Variants in DZIP1L observed in about 807,000 individuals in gnomAD.
DZIP1L encodes DAZ interacting zinc finger protein 1 like, also known as cilium assembly protein DZIP1L.
Under a neutral mutation model 88.7 loss-of-function variants are expected in DZIP1L, and 90 were observed. The observed-to-expected ratio is 1.02, with a 90% confidence interval of 0.86 to 1.21. DZIP1L has a LOEUF of 1.21. Among genes scored for constraint, DZIP1L ranks in the 50% most tolerant of loss-of-function variants. DZIP1L has a pLI of 0.00. For synonymous variants in DZIP1L, 363 were observed against 372.1 expected, an observed-to-expected ratio of 0.98 and a Z score of 0.28; for missense variants, 932 against 955.8, an observed-to-expected ratio of 0.98 and a Z score of 0.33.
chr3:138,091,634 GGGGA>G (rs568607588), intron 5 of DZIP1L, among the ~76,000 whole-genome samples: 29 of 112,726 alleles, frequency 2.6e-4, no homozygotes, highest in South Asian at 4.0e-4. Flanking sequence ...AGGAAGGTGG[GGGGA>G]GGGAGGGAGG....
intron 5 of DZIP1L, among the ~76,000 whole-genome samples, chr3:138,090,195 ATGTTC>A (rs1944143163): frequency 6.6e-6 from 1 of 152,070 alleles, no homozygotes; most frequent in African/African-American, 2.4e-5. Context: ...AAAAGATAGC[ATGTTC>A]CAGTTTAGGA....
rs111897568 is a variant in DZIP1L at position 138,097,007 on chromosome 3, T to G, written c.586+756A>C. Among the ~76,000 whole-genome samples, 318 of 151,968 alleles carry G rather than the reference T, an allele frequency of 2.1e-3. 1 individual carries two copies. Among genetic ancestry groups the G allele is most frequent in the African/African-American group, 7.4e-3 (306 of 41,460 alleles). ...CCAGACTGGCCAACACAGTGAGACCTCATCTCTATGAAAAATTTTTAAAAT... is the reference window on the plus strand; with the variant it reads ...CCAGACTGGCCAACACAGTGAGACCGCATCTCTATGAAAAATTTTTAAAAT... On this transcript the variant is annotated intron_variant, in intron 3 of 15. Transcript: ENST00000327532.
At chr3:138,078,815 A>C (rs1943523782) in intron 10 of DZIP1L, among the ~76,000 whole-genome samples, 1 of 152,170 alleles carries the variant, frequency 6.6e-6, no homozygotes, top group Non-Finnish European at 1.5e-5. Context: ...CGGAGCTTTA[A>C]ATGCTACTGG....
chr3:138,095,091 T>A, intron 3 of DZIP1L, 108 bp from the exon 4 acceptor site: 1 of 1,525,560 alleles, frequency 6.6e-7, no homozygotes, highest in Non-Finnish European at 8.9e-7. Context: ...CCAGCTTCGC[T>A]ACTTAGTACG....
intron 7 of DZIP1L, among the ~76,000 whole-genome samples, chr3:138,086,151 A>G (rs1436998986): frequency 6.6e-6 from 1 of 151,908 alleles, no homozygotes; most frequent in African/African-American, 2.4e-5. Context: ...AGATATACCT[A>G]ATGCTAAATG....
rs556846454 is a variant in DZIP1L, at chr3:138,110,543, C to T, written c.-82+4785G>A. On this transcript the variant is annotated intron_variant, in intron 1 of 15. Coordinates refer to ENST00000327532, the MANE Select transcript of DZIP1L (RefSeq NM_173543.3). ...TACGCTCACAGTCAAAGTTCCCTGC[C>T]CCTCCCCTGGGCTTCCAGAGCGCAC... 1.4e-4 allele frequency among the ~76,000 whole-genome samples: 21 copies of T among 152,210 alleles called. No individual in the cohort carries two copies. The South Asian group carries it at 4.1e-3, about 30-fold the overall frequency.
rs1576487237 is a variant in DZIP1L, at chr3:138,097,704, T to C, written c.586+59A>G. On this transcript the variant is annotated intron_variant, in intron 3 of 15. Coordinates refer to ENST00000327532, the MANE Select transcript of DZIP1L (RefSeq NM_173543.3). The stretch of plus-strand genomic sequence containing the variant: ...CTATAGGTGGTCACCACCCACTGAA[T>C]ACCAGCCCCAGCCCTTTCCACAGTC... 17 of 1,505,948 alleles carry C rather than the reference T, an allele frequency of 1.1e-5. No homozygotes were observed. In the East Asian group the frequency reaches 3.8e-4, roughly 34 times the overall value. The allele number at this position is 1,505,948 out of a possible 1,614,324, so 93.3% of individuals were successfully genotyped here.
At chr3:138,109,956 T>G (rs1231173499) in intron 1 of DZIP1L, among the ~76,000 whole-genome samples, 2 of 152,092 alleles carry the variant, frequency 1.3e-5, no homozygotes, top group Non-Finnish European at 2.9e-5. Flanking sequence ...CCGGGCTTCC[T>G]GATATCCCAG....
rs1455347020 is a variant in DZIP1L, at chr3:138,103,478, T to A, written c.494A>T (p.Tyr165Phe). The change falls in exon 2 of 16, where the codon TAC becomes TTC. Residue 165 changes from tyrosine (Y) to phenylalanine (F), a missense_variant. Coordinates refer to ENST00000327532, the MANE Select transcript of DZIP1L (RefSeq NM_173543.3). ...QLLMQTGTHSYHTCHLCDKTF... is the reference protein window; with the variant it reads ...QLLMQTGTHSFHTCHLCDKTF... ...CTGGTGGAGATTCCTCACCGTGTGG[T>A]AGCTGTGGGTGCCTGTCTGCATTAG... 1 of 1,599,136 alleles carries A rather than the reference T, an allele frequency of 6.3e-7. No individual in the cohort carries two copies. The highest frequency in any genetic ancestry group is 8.5e-7 in the Non-Finnish European group (1 of 1,170,856).
At chr3:138,071,515 G>C in intron 12 of DZIP1L, 128 bp downstream of exon 12, 1 of 1,077,874 alleles carries the variant, frequency 9.3e-7, no homozygotes, top group Non-Finnish European at 1.3e-6. Context: ...GACCCTACCA[G>C]CTCAGCCCTT....
At chr3:138,087,661 C>T (rs1161043483) in intron 6 of DZIP1L, among the ~76,000 whole-genome samples, 1 of 152,204 alleles carries the variant, frequency 6.6e-6, no homozygotes, top group Non-Finnish European at 1.5e-5. Context: ...ACCTGTCAAA[C>T]ATCAATCGGC....
At chr3:138,104,146 A>G in intron 1 of DZIP1L, 94 bp from the exon 2 acceptor site, 1 of 1,202,884 alleles carries the variant, frequency 8.3e-7, no homozygotes. Flanking sequence ...GGGCAAAGTG[A>G]GGTGTCTGTG....
intron 1 of DZIP1L, among the ~76,000 whole-genome samples, chr3:138,109,405 T>G (rs1221197552): frequency 6.6e-6 from 1 of 152,176 alleles, no homozygotes; most frequent in African/African-American, 2.4e-5. Flanking sequence ...TAGCCTCTAT[T>G]CTATGCTGCC....
At chr3:138,102,215 C>G (rs1468358752) in intron 2 of DZIP1L, 1 of 1,380,552 alleles carries the variant, frequency 7.2e-7, no homozygotes, top group African/African-American at 1.4e-5. Flanking sequence ...GGGACTGCAG[C>G]TCCCGGATCT....
Position 138,063,076 on chromosome 3 carries a change from G to C in DZIP1L, c.2143-99C>G. The C allele has an allele frequency of 7.3e-7, 1 of 1,372,408 alleles. No individual in the cohort carries two copies. The highest frequency in any genetic ancestry group is 1.0e-6 in the Non-Finnish European group (1 of 996,386). The allele number at this position is 1,372,408 out of a possible 1,614,324, so 85.0% of individuals were successfully genotyped here. A position where few individuals can be genotyped will look rare whatever the true frequency, so the allele number is the denominator to read the frequency against. ...AGGATGGGAATGCAGAATGGAAATG[G>C]GGACAAATGCAGACTGGGAAGAAAG... On this transcript the variant is annotated intron_variant, in intron 15 of 15. Coordinates refer to ENST00000327532, the MANE Select transcript of DZIP1L (RefSeq NM_173543.3). The surrounding 1 kb of genome is among the most constrained non-coding windows in gnomAD (Gnocchi z 4.1).
chr3:138,097,292 A>G (rs866985198), intron 3 of DZIP1L, among the ~76,000 whole-genome samples: 53 of 152,240 alleles, frequency 3.5e-4, no homozygotes, highest in African/African-American at 1.2e-3. Context: ...TGTAAAATTA[A>G]AGTGATTAGA....
Position 138,095,809 on chromosome 3 carries a change from G to GA in DZIP1L, c.587-827dup, listed in dbSNP as rs200810010. On this transcript the variant is annotated intron_variant, in intron 3 of 15. Coordinates refer to ENST00000327532, the MANE Select transcript of DZIP1L (RefSeq NM_173543.3). ...TAAATAAATAAATAAATTTCAAATG[G>GA]AAAAAAAAAGCAGCATGTATTATAA... 2.0e-3 allele frequency among the ~76,000 whole-genome samples: 292 copies of GA among 149,434 alleles called. 2 individuals carry two copies. Among genetic ancestry groups the GA allele is most frequent in the Middle Eastern group, 6.9e-3 (2 of 290 alleles).
intron 15 of DZIP1L, chr3:138,064,310 A>G: frequency 8.3e-7 from 1 of 1,201,326 alleles, no homozygotes; most frequent in Admixed American, 3.5e-5. Context: ...ACCGGGCTGG[A>G]AGAGCAGCTG....
chr3:138,081,650 T>A (rs974483430), intron 9 of DZIP1L, 84 bp downstream of exon 9: 1 of 1,406,844 alleles, frequency 7.1e-7, no homozygotes, highest in Non-Finnish European at 9.8e-7. Context: ...CACCCATGAA[T>A]TGACTGGGGG....
Sources: allele counts gnomAD v4.1 joint callset (sites outside exome capture counted in the v4.1 genomes callset), GRCh38; gene constraint gnomAD v4.1.1; non-coding constraint Gnocchi (gnomAD v3.1); transcripts MANE v1.5; gene names NCBI Gene and HGNC (gene_info 2026-07-23, HGNC 2026-07-21).